Variants in SYCP3 observed in about 807,000 individuals in gnomAD.
The protein encoded by SYCP3 is synaptonemal complex protein 3.
SYCP3 carries 29 observed loss-of-function variants against 38.5 expected under a neutral mutation model. The ratio of observed to expected loss-of-function variants is 0.75; its 90% CI spans 0.56 to 1.03. The LOEUF (loss-of-function observed/expected upper bound fraction) is 1.03. Among genes scored for constraint, SYCP3 ranks in the 50% least tolerant of loss-of-function variants. The pLI is 0.00. For synonymous variants in SYCP3, 79 were observed against 80.3 expected, an observed-to-expected ratio of 0.98 and a Z score of 0.08; for missense variants, 242 against 270.7, an observed-to-expected ratio of 0.89 and a Z score of 0.74.
chr12:101,729,934 A>C (rs982974075), intron 7 of SYCP3, among the ~76,000 whole-genome samples: 1 of 152,142 alleles, frequency 6.6e-6, no homozygotes, highest in African/African-American at 2.4e-5. Flanking sequence ...CATAAGCAGA[A>C]GCATGGAAGT....
intron 1 of SYCP3, among the ~76,000 whole-genome samples, chr12:101,738,731 G>A (rs1952575479): frequency 6.6e-6 from 1 of 152,198 alleles, no homozygotes; most frequent in Non-Finnish European, 1.5e-5. Context: ...GTGAGACTTC[G>A]TCTCAATCAA....
At chr12:101,733,716 A>T (rs1566053409) in intron 5 of SYCP3, 42 bp from the exon 6 acceptor site, 1 of 1,562,666 alleles carries the variant, frequency 6.4e-7, no homozygotes, top group Non-Finnish European at 8.7e-7. Flanking sequence ...TTTCATACCA[A>T]TATAAAAAGA....
intron 7 of SYCP3, 123 bp from the exon 8 acceptor site, chr12:101,729,336 A>G (rs777359206): frequency 2.4e-4 from 234 of 986,428 alleles, no homozygotes; most frequent in Admixed American, 3.3e-4. Flanking sequence ...TATTTGAAAT[A>G]AAAATATTCT....
At position 101,733,570 on chromosome 12, in the gene SYCP3, C is replaced by T. The variant is rs1297699993; in HGVS notation, c.453+5G>A. ...GTTGATTATAAACCTAATCATGATA[C>T]CAACAAGTATTTTTTCTTCTTGTTC... On this transcript the variant is annotated splice_donor_5th_base_variant and intron_variant, in intron 6 of 8. Transcript: ENST00000392924. 1 of 1,609,954 alleles carries T rather than the reference C, an allele frequency of 6.2e-7. No homozygotes were observed. Among genetic ancestry groups the T allele is most frequent in the South Asian group, 1.1e-5 (1 of 91,030 alleles).
rs560699651 is a variant in SYCP3, at chr12:101,738,565, C to G, written c.-17-613G>C. ...CAGCCTGGCCAACATGGTGAAACCC[C>G]GTCTCTACTAAAAATACAAAATTAG... On this transcript the variant is annotated intron_variant, in intron 1 of 8. Transcript: ENST00000392924. 3.9e-5 allele frequency among the ~76,000 whole-genome samples: 6 copies of G among 151,924 alleles called. No individual in the cohort carries two copies. In the East Asian group the frequency reaches 1.2e-3, roughly 29 times the overall value.
intron 4 of SYCP3, among the ~76,000 whole-genome samples, chr12:101,735,787 T>G (rs1363159168): frequency 2.0e-5 from 3 of 148,084 alleles, no homozygotes; most frequent in Non-Finnish European, 4.5e-5. Flanking sequence ...AAGTACTCTA[T>G]TAGAAAGAAT....
At chr12:101,735,871 A>ATATATATTTTTTT in intron 4 of SYCP3, among the ~76,000 whole-genome samples, 1 of 74,790 alleles carries the variant, frequency 1.3e-5, no homozygotes, top group Non-Finnish European at 2.5e-5. Flanking sequence ...ATATATATAT[A>ATATATATTTTTTT]TTTTTTTTTT....
chr12:101,737,645 A>C (rs1310518533), intron 2 of SYCP3, 158 bp downstream of exon 2: 2 of 952,324 alleles, frequency 2.1e-6, no homozygotes, highest in Non-Finnish European at 3.3e-6. Flanking sequence ...ACACAAGTAC[A>C]GCTGGCCATC....
In SYCP3 at chr12:101,735,875, T is replaced by A. The variant is rs866938897; in HGVS notation, c.236-831A>T. On this transcript the variant is annotated intron_variant, in intron 4 of 8. Transcript: ENST00000392924. ...TTTATATATATATATATATATATTT[T>A]TTTTTTTTTAAAGACACGGGGGTCT... is the stretch of plus-strand genomic sequence containing the variant. Among the ~76,000 whole-genome samples, 277 of 61,488 alleles carry A rather than the reference T, an allele frequency of 4.5e-3. 5 individuals are homozygous for A. The highest frequency in any genetic ancestry group is 7.4e-3 in the African/African-American group (79 of 10,738). The allele number at this position is 61,488 out of a possible 152,430, so 40.3% of individuals were successfully genotyped here. A position where few individuals can be genotyped will look rare whatever the true frequency, so the allele number is the denominator to read the frequency against.
At position 101,737,869 on chromosome 12, in the gene SYCP3, T is replaced by C. The variant is rs751041987; in HGVS notation, c.67A>G (p.Arg23Gly). 1 of 1,614,124 alleles carries C rather than the reference T, an allele frequency of 6.2e-7. No individual in the cohort carries two copies. Among genetic ancestry groups the C allele is most frequent in the African/African-American group, 1.3e-5 (1 of 74,942 alleles). Residue 23 changes from arginine (R) to glycine (G), a missense_variant, in exon 2 of 9, where the codon AGA (arginine) becomes GGA (glycine). By Grantham distance (125) the Arg-to-Gly change is moderately radical. Transcript: ENST00000392924. ...GKPSVEDQFT[R>G]AYDFETEDKK... ...TCTTCAGTCTCAAAGTCATAGGCTC[T>C]CGTAAACTGATCTTCCACAGACGGC...
At chr12:101,737,669 T>G in intron 2 of SYCP3, 134 bp downstream of exon 2, 1 of 1,260,338 alleles carries the variant, frequency 7.9e-7, no homozygotes, top group South Asian at 1.2e-5. Flanking sequence ...GTCAGCAGGT[T>G]CTGTAACCAC....
chr12:101,739,376 A>C lies in SYCP3; in HGVS notation c.-43T>G. 2.0e-6 allele frequency: 2 copies of C among 1,002,828 alleles called. No individual in the cohort carries two copies. The highest frequency in any genetic ancestry group is 9.4e-5 in the South Asian group (2 of 21,380). 62.1% of individuals were successfully genotyped at this position (1,002,828 alleles called of 1,614,324 possible). On this transcript the variant is annotated 5_prime_UTR_variant, in exon 1 of 9. Coordinates refer to ENST00000392924, the MANE Select transcript of SYCP3 (RefSeq NM_001177949.2). ...CTGAAACACACCGCAATGGCCGAGG[A>C]CCAGTTACTGGTCGTCGACAGGCGT...
At chr12:101,739,142 C>T (rs1952605827) in intron 1 of SYCP3, 1 of 691,416 alleles carries the variant, frequency 1.4e-6, no homozygotes, top group Non-Finnish European at 1.8e-6. Context: ...GTAAGTGGTC[C>T]CAGGGTGTAG....
chr12:101,729,085 T>C, intron 8 of SYCP3, 24 bp downstream of exon 8: 1 of 1,608,188 alleles, frequency 6.2e-7, no homozygotes, highest in Non-Finnish European at 8.5e-7. Context: ...TCCTTATTTT[T>C]TCAATTTCAA....
intron 7 of SYCP3, chr12:101,730,688 A>C (rs955684191): frequency 7.8e-6 from 2 of 257,484 alleles, no homozygotes; most frequent in Non-Finnish European, 1.5e-5. Context: ...TTCTTAATAG[A>C]GATGGGGTTT....
chr12:101,731,330 T>G (rs954638066), intron 7 of SYCP3, among the ~76,000 whole-genome samples: 1 of 152,204 alleles, frequency 6.6e-6, no homozygotes, highest in Non-Finnish European at 1.5e-5. Context: ...GCATGATAAG[T>G]ATATTTCTAA....
chr12:101,731,636 G>C lies in SYCP3; in HGVS notation c.484C>G (p.Gln162Glu), dbSNP rs1203049199. The stretch of plus-strand genomic sequence containing the variant: ...TGGCTCTGAACAATTCTAGATTGTT[G>C]AAGAATCTTTTGTTGCTGTCGAAAC... ...NMFRQQQKIL[Q>E]QSRIVQSQRL... Residue 162 changes from glutamine to glutamate, a missense_variant, in exon 7 of 9, where the codon CAA becomes GAA. Gln to Glu is a conservative substitution (Grantham distance 29). Coordinates refer to ENST00000392924, the MANE Select transcript of SYCP3 (RefSeq NM_001177949.2). 6.2e-7 allele frequency: 1 copy of C among 1,602,360 alleles called. No homozygotes were observed. Among genetic ancestry groups the C allele is most frequent in the African/African-American group, 1.3e-5 (1 of 74,616 alleles).
chr12:101,735,316 C>T (rs1952359002), intron 4 of SYCP3, among the ~76,000 whole-genome samples: 1 of 151,970 alleles, frequency 6.6e-6, no homozygotes, highest in Admixed American at 6.6e-5. Flanking sequence ...ATAAACAAAA[C>T]AATGTGTCAA....
In SYCP3 at chr12:101,735,871, A is replaced by ATATATATATATATATTT; in HGVS notation, c.236-828_236-827insAAATATATATATATATA. ...CAATTTTATATATATATATATATAT[A>ATATATATATATATATTT]TTTTTTTTTTTTTAAAGACACGGGG... On this transcript the variant is annotated intron_variant, in intron 4 of 8. Coordinates refer to ENST00000392924, the MANE Select transcript of SYCP3 (RefSeq NM_001177949.2). Among the ~76,000 whole-genome samples, 10 of 74,742 alleles carry ATATATATATATATATTT rather than the reference A, an allele frequency of 1.3e-4. No homozygotes were observed. The East Asian group carries it at 1.9e-3, about 14-fold the overall frequency. 49.0% of individuals were successfully genotyped at this position (74,742 alleles called of 152,430 possible). A position where few individuals can be genotyped will look rare whatever the true frequency, so the allele number is the denominator to read the frequency against.
Sources: gnomAD v4.1 joint callset for allele counts (sites outside exome capture counted in the v4.1 genomes callset) on GRCh38, gnomAD v4.1.1 for gene constraint, MANE v1.5 for transcripts, NCBI Gene and HGNC (gene_info 2026-07-23, HGNC 2026-07-21) for gene names.